Variants in PIWIL1 observed in about 807,000 individuals in gnomAD.
The protein encoded by PIWIL1 is piwi-like protein 1.
PIWIL1 carries 73 observed loss-of-function variants against 114.4 expected under a neutral mutation model. The ratio of observed to expected loss-of-function variants is 0.64; its 90% CI spans 0.53 to 0.78. The LOEUF (loss-of-function observed/expected upper bound fraction) is 0.78, where lower values mean the gene tolerates loss of function less well. PIWIL1 is among the 30% of genes least tolerant of loss of function. The pLI, the probability that PIWIL1 is intolerant of heterozygous loss-of-function variation, is 0.00. For missense variants in PIWIL1, 723 were observed against 1,063.1 expected (o/e 0.68, Z 4.45); for synonymous variants, 375 against 369.0 (o/e 1.02, Z -0.19).
the PIWIL1 span, among the ~76,000 whole-genome samples, chr12:130,401,536 G>A: frequency 6.6e-6 from 1 of 151,502 alleles, no homozygotes; most frequent in Non-Finnish European, 1.5e-5. Flanking sequence ...GCCCTGCCCC[G>A]CCCCACTCTT....
At chr12:130,341,212 T>G (rs1230127830) in intron 1 of PIWIL1, among the ~76,000 whole-genome samples, 1 of 152,214 alleles carries the variant, frequency 6.6e-6, no homozygotes, top group Non-Finnish European at 1.5e-5. Flanking sequence ...CATGAAATCC[T>G]CCACTCCCCT....
chr12:130,369,512 A>G lies in PIWIL1; in HGVS notation c.2322-1664A>G, dbSNP rs944597467. Among the ~76,000 whole-genome samples the G allele has an allele frequency of 2.2e-5, 3 of 135,654 alleles. No individual in the cohort carries two copies. The Admixed American group carries it at 2.3e-4, about 10-fold the overall frequency. The allele number at this position is 135,654 out of a possible 152,430, so 89.0% of individuals were successfully genotyped here. A position where few individuals can be genotyped will look rare whatever the true frequency, so the allele number is the denominator to read the frequency against. On this transcript the variant is annotated intron_variant, in intron 19 of 20. Coordinates refer to ENST00000245255, the MANE Select transcript of PIWIL1 (RefSeq NM_004764.5). ...GGTTGAACTAATTTACATTCCCACC[A>G]ACAGTGTAAAAGTGTTCCTATTTCT...
chr12:130,405,474 G>T, the PIWIL1 span, among the ~76,000 whole-genome samples: 1 of 152,184 alleles, frequency 6.6e-6, no homozygotes, highest in African/African-American at 2.4e-5. Flanking sequence ...TGGGCTCTGC[G>T]CAGGGTCCTA....
At chr12:130,377,261 A>G (rs2073874028), downstream of PIWIL1, among the ~76,000 whole-genome samples, 1 of 152,216 alleles carries the variant, frequency 6.6e-6, no homozygotes, top group Admixed American at 6.5e-5. Flanking sequence ...TTGAACGGAT[A>G]GGTGAATAAC....
chr12:130,375,243 T>C (rs904329246), downstream of PIWIL1, among the ~76,000 whole-genome samples: 4 of 152,172 alleles, frequency 2.6e-5, no homozygotes, highest in Admixed American at 1.3e-4. Context: ...TACTTGCCTG[T>C]TCCTTTGCAA....
chr12:130,424,735 C>A, the PIWIL1 span: 1 of 1,232,278 alleles, frequency 8.1e-7, no homozygotes, highest in Non-Finnish European at 1.0e-6. The surrounding 1 kb of genome is among the most constrained non-coding windows in gnomAD (Gnocchi z 9.8). Context: ...TGTAGCAGCC[C>A]ACAGCACTCT....
chr12:130,358,909 C>T (rs1379883011), intron 14 of PIWIL1, among the ~76,000 whole-genome samples: 1 of 152,160 alleles, frequency 6.6e-6, no homozygotes. Context: ...CGTTGTTCAC[C>T]ATGGTGTGCT....
chr12:130,345,643 C>A, intron 3 of PIWIL1, 110 bp from the exon 4 acceptor site: 1 of 1,165,264 alleles, frequency 8.6e-7, no homozygotes, highest in Non-Finnish European at 1.2e-6. Context: ...TATGCCTTGT[C>A]TTCTACACCT....
chr12:130,422,798 T>TC, the PIWIL1 span, among the ~76,000 whole-genome samples: 1 of 152,046 alleles, frequency 6.6e-6, no homozygotes, highest in Non-Finnish European at 1.5e-5. The surrounding 1 kb of genome is among the most constrained non-coding windows in gnomAD (Gnocchi z 5.2). Flanking sequence ...TAATTCCTTG[T>TC]GGGGGGGTCT....
At chr12:130,344,236 C>T (rs1361938937) in intron 3 of PIWIL1, among the ~76,000 whole-genome samples, 1 of 152,130 alleles carries the variant, frequency 6.6e-6, no homozygotes, top group African/African-American at 2.4e-5. Context: ...CTTTATGACC[C>T]TTCAGTGTCA....
chr12:130,341,269 C>T (rs557062770), intron 1 of PIWIL1, among the ~76,000 whole-genome samples: 1 of 152,318 alleles, frequency 6.6e-6, no homozygotes, highest in African/African-American at 2.4e-5. Flanking sequence ...GGTTCTGCAT[C>T]CAGTTCAAGC....
downstream of PIWIL1, among the ~76,000 whole-genome samples, chr12:130,375,059 T>A (rs1481001409): frequency 6.6e-6 from 1 of 152,096 alleles, no homozygotes; most frequent in Non-Finnish European, 1.5e-5. Context: ...CCACTCGGCT[T>A]TGAATCTACT....
chr12:130,342,275 C>T (rs2072942567), intron 1 of PIWIL1: 2 of 345,550 alleles, frequency 5.8e-6, no homozygotes, highest in Non-Finnish European at 1.1e-5. Flanking sequence ...CATCCTAATT[C>T]TTTCAGCACT....
chr12:130,400,266 C>T, the PIWIL1 span, among the ~76,000 whole-genome samples: 11 of 152,178 alleles, frequency 7.2e-5, no homozygotes, highest in Non-Finnish European at 1.3e-4. Context: ...CAAGCTTGAG[C>T]GCTACTGGTC....
At chr12:130,369,060 C>A (rs541444464) in intron 19 of PIWIL1, among the ~76,000 whole-genome samples, 1 of 152,140 alleles carries the variant, frequency 6.6e-6, no homozygotes, top group Non-Finnish European at 1.5e-5. Flanking sequence ...TCCTTACCCC[C>A]CAACAGGCCC....
rs538183949 is a variant in PIWIL1, at chr12:130,355,949, C to T, written c.1404+282C>T. Among the ~76,000 whole-genome samples the T allele has an allele frequency of 8.0e-4, 122 of 152,210 alleles. 3 individuals carry two copies. In the South Asian group the frequency reaches 0.024, roughly 30 times the overall value. ...CAGCCCGGGACCTCAGAAATAGGTA[C>T]ACCCCAGGAGGAGAAAACGTGGAAG... On this transcript the variant is annotated intron_variant, in intron 12 of 20. Transcript: ENST00000245255.
chr12:130,363,243 C>T, intron 18 of PIWIL1, 99 bp downstream of exon 18: 3 of 1,227,248 alleles, frequency 2.4e-6, no homozygotes, highest in Non-Finnish European at 3.5e-6. Flanking sequence ...GAGAACCTAA[C>T]TTGATAGGGA....
chr12:130,415,373 C>T, the PIWIL1 span, among the ~76,000 whole-genome samples: 1 of 152,264 alleles, frequency 6.6e-6, no homozygotes, highest in Non-Finnish European at 1.5e-5. Context: ...AAAAAACCCT[C>T]AACAATCTAG....
At position 130,349,961 on chromosome 12, in the gene PIWIL1, C is replaced by T. The variant is rs1336074437; in HGVS notation, c.1038C>T (p.Tyr346=). The T allele has an allele frequency of 6.3e-7, 1 of 1,586,808 alleles. No individual in the cohort carries two copies. Among genetic ancestry groups the T allele is most frequent in the Non-Finnish European group, 8.6e-7 (1 of 1,159,402 alleles). The change falls in exon 9 of 21, where the codon TAC becomes TAT. Residue 346 remains tyrosine, a synonymous_variant. Coordinates refer to ENST00000245255, the MANE Select transcript of PIWIL1 (RefSeq NM_004764.5). ...CTGAAGTCAGCTTCTTAGAATACTA[C>T]AGGAAGGTAAGATGCCAGTGGTTAG... ...DGSEVSFLEY[Y]RKQYNQEITD...
Sources: allele counts gnomAD v4.1 joint callset (sites outside exome capture counted in the v4.1 genomes callset), GRCh38; gene constraint gnomAD v4.1.1; non-coding constraint Gnocchi (gnomAD v3.1); transcripts MANE v1.5; gene names NCBI Gene and HGNC (gene_info 2026-07-23, HGNC 2026-07-21).